Variants in CCDC7 observed in about 807,000 individuals in gnomAD.
The protein encoded by CCDC7 is coiled-coil domain containing 7, also known as coiled-coil domain-containing protein 7.
Under a neutral mutation model 196.9 loss-of-function variants are expected in CCDC7, and 183 were observed. The observed-to-expected ratio is 0.93, with a 90% confidence interval of 0.82 to 1.05. CCDC7 has a LOEUF of 1.05. Among genes scored for constraint, CCDC7 ranks in the 50% least tolerant of loss-of-function variants. The probability of loss-of-function intolerance (pLI) is 0.00; values close to 1 mark genes in which losing one functional copy is unlikely to be tolerated. For missense variants in CCDC7, 1,540 were observed against 1,482.2 expected, an observed-to-expected ratio of 1.04 and a Z score of -0.64; for synonymous variants, 525 against 484.6, an observed-to-expected ratio of 1.08 and a Z score of -1.10.
chr10:32,542,124 C>T (rs2051550058), intron 11 of CCDC7, among the ~76,000 whole-genome samples: 1 of 152,140 alleles, frequency 6.6e-6, no homozygotes, highest in Non-Finnish European at 1.5e-5. Flanking sequence ...TCCAAACGTC[C>T]TAAAATTTTT....
At chr10:32,828,599 G>T (rs1165055177) in intron 32 of CCDC7, among the ~76,000 whole-genome samples, 2 of 152,006 alleles carry the variant, frequency 1.3e-5, no homozygotes, top group South Asian at 4.2e-4. Context: ...CATGCTCTTG[G>T]AATTCACTGG....
chr10:32,810,577 C>G (rs2086863554), intron 30 of CCDC7, among the ~76,000 whole-genome samples: 1 of 152,090 alleles, frequency 6.6e-6, no homozygotes, highest in Non-Finnish European at 1.5e-5. Flanking sequence ...CTAGAAACTT[C>G]AACACCTCAT....
chr10:32,678,807 T>C (rs1021038760), intron 21 of CCDC7, among the ~76,000 whole-genome samples: 17 of 152,308 alleles, frequency 1.1e-4, no homozygotes, highest in Non-Finnish European at 2.4e-4. Context: ...CTGTTCTTAT[T>C]ATCCTTTAAT....
At position 32,856,893 on chromosome 10, in the gene CCDC7, G is replaced by A. The variant is rs117910983; in HGVS notation, c.4111+2404G>A. Among the ~76,000 whole-genome samples, 274 of 152,220 alleles carry A rather than the reference G, an allele frequency of 1.8e-3. 1 individual carries two copies. The East Asian group carries it at 0.029, about 16-fold the overall frequency. On this transcript the variant is annotated intron_variant, in intron 41 of 41. Coordinates refer to ENST00000639629, the Ensembl canonical transcript of CCDC7. Reference sequence around the variant, plus strand: ...AATCACAGTACTTGGCCTTGTGGGAGAGCTGCATCACCCATACCTAAAAGA... The same window carrying A: ...AATCACAGTACTTGGCCTTGTGGGAAAGCTGCATCACCCATACCTAAAAGA...
chr10:32,674,335 T>C (rs755201928), intron 21 of CCDC7, among the ~76,000 whole-genome samples: 2 of 152,058 alleles, frequency 1.3e-5, no homozygotes, highest in African/African-American at 4.8e-5. Context: ...TTTGATTTCT[T>C]CCTTGATCCA....
At chr10:32,553,806 T>C (rs569603783) in intron 13 of CCDC7, among the ~76,000 whole-genome samples, 104 of 152,308 alleles carry the variant, frequency 6.8e-4, no homozygotes, top group African/African-American at 2.4e-3. Flanking sequence ...GGCCTCCTGC[T>C]GAGAGGTGGC....
chr10:32,539,070 A>AT (rs2050980427), intron 11 of CCDC7, among the ~76,000 whole-genome samples: 1 of 151,806 alleles, frequency 6.6e-6, no homozygotes, highest in African/African-American at 2.4e-5. Context: ...AGTAGCAATC[A>AT]TTTAGTAGGA....
chr10:32,679,411 A>T (rs1396810750), intron 21 of CCDC7, among the ~76,000 whole-genome samples: 1 of 152,162 alleles, frequency 6.6e-6, no homozygotes, highest in Non-Finnish European at 1.5e-5. Flanking sequence ...TGCTTGTTGG[A>T]GGACCTCCAG....
At chr10:32,723,137 G>A (rs2082648489) in intron 25 of CCDC7, among the ~76,000 whole-genome samples, 1 of 152,086 alleles carries the variant, frequency 6.6e-6, no homozygotes, top group South Asian at 2.1e-4. Flanking sequence ...GAGTTCCTTG[G>A]TGGGAGAGCC....
At chr10:32,528,436 A>G (rs542623444) in intron 11 of CCDC7, among the ~76,000 whole-genome samples, 10 of 141,984 alleles carry the variant, frequency 7.0e-5, no homozygotes, top group Admixed American at 6.5e-4. Context: ...CTCAACACCC[A>G]TTGCATTATT....
At chr10:32,644,418 G>T (rs1486631645) in intron 20 of CCDC7, among the ~76,000 whole-genome samples, 2 of 152,126 alleles carry the variant, frequency 1.3e-5, no homozygotes, top group Admixed American at 6.5e-5. Context: ...AACTTTTTTA[G>T]ATTCCACATA....
intron 20 of CCDC7, among the ~76,000 whole-genome samples, chr10:32,637,101 T>C (rs1302235119): frequency 6.6e-6 from 1 of 152,242 alleles, no homozygotes. Flanking sequence ...GTGAATTTGT[T>C]TGAGTTCATT....
chr10:32,627,068 A>C (rs1390551218), intron 18 of CCDC7, among the ~76,000 whole-genome samples: 2 of 151,330 alleles, frequency 1.3e-5, no homozygotes, highest in African/African-American at 4.8e-5. Context: ...ATGAATGTAA[A>C]ATTTTTCTAT....
rs1024051040 is a variant in CCDC7, at chr10:32,571,162, C to T, written c.1420-697C>T. ...TAGCTGGGATTACAGGCGCCCGCCA[C>T]CATGCCCAGCTAATTTTTGTATGTT... On this transcript the variant is annotated intron_variant, in intron 15 of 41. Coordinates refer to ENST00000639629, the Ensembl canonical transcript of CCDC7. Among the ~76,000 whole-genome samples the T allele has an allele frequency of 5.3e-5, 8 of 152,020 alleles. No individual in the cohort carries two copies. The South Asian group carries it at 1.0e-3, about 20-fold the overall frequency.
chr10:32,877,668 T>C (rs1024587227), downstream of CCDC7, among the ~76,000 whole-genome samples: 5 of 152,084 alleles, frequency 3.3e-5, no homozygotes, highest in Admixed American at 2.0e-4. Context: ...ATGGAGGAAG[T>C]TTTATTTTCA....
At chr10:32,488,176 C>T (rs548829729) in intron 8 of CCDC7, among the ~76,000 whole-genome samples, 45 of 152,312 alleles carry the variant, frequency 3.0e-4, no homozygotes, top group African/African-American at 4.8e-4. Context: ...ATTCAAGCCT[C>T]GGCAATGGCG....
chr10:32,496,030 G>A (rs1261106358), intron 9 of CCDC7, among the ~76,000 whole-genome samples: 3 of 152,156 alleles, frequency 2.0e-5, no homozygotes, highest in Non-Finnish European at 4.4e-5. Flanking sequence ...TATGAGCATG[G>A]AATGTTTTTC....
chr10:32,515,540 A>G (rs1238307026), intron 9 of CCDC7, among the ~76,000 whole-genome samples: 1 of 151,968 alleles, frequency 6.6e-6, no homozygotes, highest in Non-Finnish European at 1.5e-5. Context: ...TGGATTACTT[A>G]TTTTTATTTT....
intron 28 of CCDC7, among the ~76,000 whole-genome samples, chr10:32,743,535 T>C (rs2074148460): frequency 6.6e-6 from 1 of 152,222 alleles, no homozygotes; most frequent in Non-Finnish European, 1.5e-5. Flanking sequence ...TTTATGGTTT[T>C]AGGTCTAAGA....
Sources: gnomAD v4.1 joint callset for allele counts (sites outside exome capture counted in the v4.1 genomes callset) on GRCh38, gnomAD v4.1.1 for gene constraint, MANE v1.5 for transcripts, NCBI Gene and HGNC (gene_info 2026-07-23, HGNC 2026-07-21) for gene names.